EPB41L2: variants seen among roughly 807,000 people sequenced by gnomAD.
The protein encoded by EPB41L2 is band 4.1-like protein 2.
In EPB41L2, 43 loss-of-function variants were observed where a neutral mutation model predicts 113.0. The ratio of observed to expected loss-of-function variants is 0.38; its 90% confidence interval spans 0.30 to 0.49. The LOEUF is 0.49. Ranked by LOEUF, EPB41L2 falls within the 20% of genes least tolerant of loss-of-function variation. The probability of loss-of-function intolerance (pLI) is 0.95; values close to 1 mark genes in which losing one functional copy is unlikely to be tolerated. For synonymous variants in EPB41L2, 442 were observed against 436.7 expected, an observed-to-expected ratio of 1.01 and a Z score of -0.15; for missense variants, 1,147 against 1,223.4, an observed-to-expected ratio of 0.94 and a Z score of 0.93.
intron 1 of EPB41L2, among the ~76,000 whole-genome samples, chr6:131,033,168 C>A (rs1792568783): frequency 6.6e-6 from 1 of 151,794 alleles, no homozygotes; most frequent in South Asian, 2.1e-4. Context: ...GCCACTGTGC[C>A]TGGCCAGGAT....
chr6:130,956,130 G>C lies in EPB41L2; in HGVS notation c.356C>G (p.Pro119Arg). The change falls in exon 2 of 20, where the codon CCA (proline) becomes CGA (arginine). Residue 119 changes from proline to arginine, a missense_variant. Coordinates refer to ENST00000337057, the MANE Select transcript of EPB41L2 (RefSeq NM_001431.4). ...EQVLDKEEPL[P>R]EEQRQAKGDA... ...ACCCTTAGCCTGTCTCTGTTCTTCTGGAAGGGGTTCCTCTTTATCTAAGAC... is the reference window on the plus strand; with the variant it reads ...ACCCTTAGCCTGTCTCTGTTCTTCTCGAAGGGGTTCCTCTTTATCTAAGAC... 1 of 1,614,084 alleles carries C rather than the reference G, an allele frequency of 6.2e-7. No individual in the cohort carries two copies. Among genetic ancestry groups the C allele is most frequent in the Non-Finnish European group, 8.5e-7 (1 of 1,180,026 alleles).
intron 3 of EPB41L2, among the ~76,000 whole-genome samples, chr6:130,936,900 C>A (rs140467914): frequency 2.0e-5 from 3 of 152,332 alleles, no homozygotes; most frequent in African/African-American, 7.2e-5. Flanking sequence ...TCTGGCTGCA[C>A]AAATGCTCCA....
At chr6:130,903,296 T>G (rs1464104820) in intron 6 of EPB41L2, among the ~76,000 whole-genome samples, 2 of 151,970 alleles carry the variant, frequency 1.3e-5, no homozygotes, top group African/African-American at 4.8e-5. Flanking sequence ...ATGCTCTAAG[T>G]AGCTCACTGT....
At position 130,928,279 on chromosome 6, in the gene EPB41L2, T is replaced by C. The variant is rs574332468; in HGVS notation, c.706-1570A>G. On this transcript the variant is annotated intron_variant, in intron 3 of 19. Transcript: ENST00000337057. ...CATAGAGAATAAGAGTATTGGGCTCTGTATGTCAAACACCAAAGTTCTAAA... is the reference window on the plus strand; with the variant it reads ...CATAGAGAATAAGAGTATTGGGCTCCGTATGTCAAACACCAAAGTTCTAAA... 1.2e-4 allele frequency among the ~76,000 whole-genome samples: 19 copies of C among 152,298 alleles called. 1 individual carries two copies. The highest frequency in any genetic ancestry group is 1.2e-3 in the Admixed American group (18 of 15,308).
rs1433424558 is a variant in EPB41L2 at position 130,895,890 on chromosome 6, C to T, written c.1237-771G>A. ...CAAATTTACAGGCAAAAGTGAAAAC[C>T]TGTCTCCTCACATTTCAAGTAGTGA... On this transcript the variant is annotated intron_variant, in intron 8 of 19. Transcript: ENST00000337057. Among the ~76,000 whole-genome samples, 3 of 152,148 alleles carry T rather than the reference C, an allele frequency of 2.0e-5. No individual in the cohort carries two copies. The East Asian group carries it at 5.8e-4, about 29-fold the overall frequency.
At chr6:130,869,067 A>G (rs1480306836) in intron 15 of EPB41L2, among the ~76,000 whole-genome samples, 1 of 152,236 alleles carries the variant, frequency 6.6e-6, no homozygotes, top group African/African-American at 2.4e-5. Flanking sequence ...CGGTAATCAG[A>G]GACTGCTGTC....
At chr6:130,858,301 T>G in intron 18 of EPB41L2, 58 bp from the exon 19 acceptor site, 1 of 1,347,748 alleles carries the variant, frequency 7.4e-7, no homozygotes, top group South Asian at 1.3e-5. Flanking sequence ...CACCTCACAA[T>G]GGCAAAACAC....
chr6:131,049,848 T>C (rs1202666534), intron 1 of EPB41L2, among the ~76,000 whole-genome samples: 2 of 152,322 alleles, frequency 1.3e-5, no homozygotes, highest in Admixed American at 1.3e-4. Flanking sequence ...TCTCTTTAGC[T>C]ACAAAACTTG....
chr6:130,860,301 T>C (rs1461499312), intron 18 of EPB41L2, among the ~76,000 whole-genome samples: 1 of 152,196 alleles, frequency 6.6e-6, no homozygotes, highest in Non-Finnish European at 1.5e-5. Context: ...AAAATGTAGA[T>C]GATGCCCAAG....
At chr6:130,936,906 C>T (rs1809006759) in intron 3 of EPB41L2, among the ~76,000 whole-genome samples, 1 of 152,204 alleles carries the variant, frequency 6.6e-6, no homozygotes, top group Admixed American at 6.5e-5. Flanking sequence ...TGCACAAATG[C>T]TCCAGCCGGC....
intron 1 of EPB41L2, among the ~76,000 whole-genome samples, chr6:131,049,693 T>A (rs1734748578): frequency 6.6e-6 from 1 of 152,256 alleles, no homozygotes; most frequent in Non-Finnish European, 1.5e-5. Flanking sequence ...GCATTTGGCA[T>A]CATTTTCCAA....
rs1190868048 is a variant in EPB41L2, at chr6:130,894,441, G to A, written c.1390C>T (p.Leu464=). 1 of 1,613,536 alleles carries A rather than the reference G, an allele frequency of 6.2e-7. No individual in the cohort carries two copies. Among genetic ancestry groups the A allele is most frequent in the South Asian group, 1.1e-5 (1 of 91,072 alleles). Residue 464 remains leucine (L), a splice_region_variant and synonymous_variant, in exon 10 of 20, where the codon CTG becomes TTG. Coordinates refer to ENST00000337057, the MANE Select transcript of EPB41L2 (RefSeq NM_001431.4). Reference sequence around the variant, plus strand: ...CCAATGGTACTCTCAAACTGTTCCAGCTGGAATAAATCCGTAAAACAAATC... The same window carrying A: ...CCAATGGTACTCTCAAACTGTTCCAACTGGAATAAATCCGTAAAACAAATC... The part of the protein sequence containing the change: ...NFYIKVRPAE[L]EQFESTIGFK...
intron 19 of EPB41L2, among the ~76,000 whole-genome samples, chr6:130,856,569 C>T (rs572250012): frequency 1.3e-5 from 2 of 152,330 alleles, no homozygotes; most frequent in South Asian, 2.1e-4. Context: ...GTCAGAGAGG[C>T]AGCTGTAAAA....
At chr6:130,966,595 A>G (rs1430030017) in intron 1 of EPB41L2, among the ~76,000 whole-genome samples, 1 of 152,216 alleles carries the variant, frequency 6.6e-6, no homozygotes, top group Non-Finnish European at 1.5e-5. Flanking sequence ...AACAGTGATT[A>G]TGGGGAATGG....
intron 4 of EPB41L2, among the ~76,000 whole-genome samples, chr6:130,912,379 A>G (rs1214619540): frequency 1.3e-5 from 2 of 152,226 alleles, no homozygotes; most frequent in African/African-American, 4.8e-5. Flanking sequence ...TGACACTATT[A>G]AAAAGTAAAA....
At chr6:130,919,713 A>C (rs1026153766) in intron 4 of EPB41L2, among the ~76,000 whole-genome samples, 12 of 152,196 alleles carry the variant, frequency 7.9e-5, no homozygotes, top group Non-Finnish European at 2.9e-5. Context: ...AACATAGTCA[A>C]CTGAGAACCC....
At chr6:130,919,643 T>C (rs964269084) in intron 4 of EPB41L2, among the ~76,000 whole-genome samples, 2 of 152,196 alleles carry the variant, frequency 1.3e-5, no homozygotes, top group South Asian at 2.1e-4. Context: ...TCAGCTTAAT[T>C]ACATCTCATC....
At chr6:130,997,377 G>A (rs1783382055) in intron 1 of EPB41L2, among the ~76,000 whole-genome samples, 1 of 152,214 alleles carries the variant, frequency 6.6e-6, no homozygotes, top group African/African-American at 2.4e-5. Flanking sequence ...CTGCTCAGAA[G>A]TTGTTTTAAC....
At chr6:131,017,119 A>G (rs1427540436) in intron 1 of EPB41L2, among the ~76,000 whole-genome samples, 1 of 152,208 alleles carries the variant, frequency 6.6e-6, no homozygotes, top group Non-Finnish European at 1.5e-5. Context: ...AACTACCATC[A>G]CTTAATTTGA....
Sources: allele counts gnomAD v4.1 joint callset (sites outside exome capture counted in the v4.1 genomes callset), GRCh38; gene constraint gnomAD v4.1.1; transcripts MANE v1.5; gene names NCBI Gene and HGNC (gene_info 2026-07-23, HGNC 2026-07-21).